Variants in HMSD observed in about 807,000 individuals in gnomAD.
HMSD encodes the protein serpin-like protein HMSD.
Under a neutral mutation model 10.0 loss-of-function variants are expected in HMSD, and 13 were observed. The observed-to-expected ratio is 1.31, with a 90% CI of 0.85 to 2.08. The LOEUF (loss-of-function observed/expected upper bound fraction) is 2.08, where lower values mean the gene tolerates loss of function less well. Among genes scored for constraint, HMSD ranks in the 30% most tolerant of loss-of-function variants. The pLI is 0.00. For missense variants in HMSD, 169 were observed against 166.3 expected (o/e 1.02, Z -0.09); for synonymous variants, 51 against 54.2 (o/e 0.94, Z 0.26).
At chr18:63,966,047 C>G (rs1463515465), downstream of HMSD, among the ~76,000 whole-genome samples, 1 of 152,136 alleles carries the variant, frequency 6.6e-6, no homozygotes, top group East Asian at 1.9e-4. Context: ...CTAATTGTAC[C>G]TCACTGACTA....
intron 1 of HMSD, among the ~76,000 whole-genome samples, chr18:63,952,198 G>C (rs923634999): frequency 6.6e-6 from 1 of 150,890 alleles, no homozygotes; most frequent in Non-Finnish European, 1.5e-5. Context: ...TAGATGACGA[G>C]TTAGTGGGTG....
At chr18:63,959,162 T>C (rs765426161) in intron 3 of HMSD, among the ~76,000 whole-genome samples, 2 of 152,032 alleles carry the variant, frequency 1.3e-5, no homozygotes, top group Non-Finnish European at 2.9e-5. Context: ...TTATGAATAT[T>C]TGTGTGCAGG....
intron 3 of HMSD, among the ~76,000 whole-genome samples, chr18:63,956,695 G>T (rs2050360328): frequency 6.6e-6 from 1 of 152,144 alleles, no homozygotes; most frequent in Admixed American, 6.5e-5. Flanking sequence ...AATTAAAAGA[G>T]AATTGCCATT....
At position 63,967,212 on chromosome 18, in the gene HMSD, A is replaced by G. The variant is rs1315632482; in HGVS notation, n.312+6937A>G. Among the ~76,000 whole-genome samples, 3 of 152,148 alleles carry G rather than the reference A, an allele frequency of 2.0e-5. No homozygotes were observed. In the East Asian group the frequency reaches 5.8e-4, roughly 29 times the overall value. On this transcript the variant is annotated intron_variant and non_coding_transcript_variant, in intron 3 of 5. Coordinates refer to the HMSD transcript ENST00000481726. ...GAGTGCAGTGGCACAATCTCAACTC[A>G]CTGCAACCTCCCGAGGTTCAAGCAG...
chr18:63,949,472 G>A (rs2039517641), intron 1 of HMSD, 72 bp downstream of exon 1: 1 of 152,372 alleles, frequency 6.6e-6, no homozygotes, highest in African/African-American at 2.4e-5. Context: ...CCAGGAAAAG[G>A]GCGGGAACCT....
intron 3 of HMSD, among the ~76,000 whole-genome samples, chr18:63,958,736 T>G (rs903745641): frequency 2.6e-5 from 4 of 152,130 alleles, no homozygotes; most frequent in Non-Finnish European, 5.9e-5. Context: ...TTAATATATT[T>G]CAAGTGCTCA....
chr18:63,955,033 C>G (rs1373447322), intron 3 of HMSD, among the ~76,000 whole-genome samples: 1 of 152,096 alleles, frequency 6.6e-6, no homozygotes, highest in Non-Finnish European at 1.5e-5. Context: ...AGAAAAGTAC[C>G]GAAGTAATTT....
intron 1 of HMSD, among the ~76,000 whole-genome samples, chr18:63,950,625 A>C (rs1338957946): frequency 6.6e-6 from 1 of 152,016 alleles, no homozygotes; most frequent in Non-Finnish European, 1.5e-5. Flanking sequence ...TTTGAAAGCC[A>C]ACTTGTGGAT....
At position 63,953,916 on chromosome 18, in the gene HMSD, T is replaced by C. The variant is rs1334286700; in HGVS notation, c.72+389T>C. 5.9e-5 allele frequency among the ~76,000 whole-genome samples: 9 copies of C among 152,276 alleles called. No individual in the cohort carries two copies. In the South Asian group the frequency reaches 1.9e-3, roughly 32 times the overall value. On this transcript the variant is annotated intron_variant, in intron 2 of 3. Transcript: ENST00000408945. ...TAGCTGGGTTACAAGAGAGGGAAAGTGGAAGCTGCCAGACTTTTTAAGGGC... is the reference window on the plus strand; with the variant it reads ...TAGCTGGGTTACAAGAGAGGGAAAGCGGAAGCTGCCAGACTTTTTAAGGGC...
chr18:63,963,341 A>T (rs1199906890), downstream of HMSD, among the ~76,000 whole-genome samples: 2 of 151,348 alleles, frequency 1.3e-5, no homozygotes, highest in Non-Finnish European at 2.9e-5. Context: ...ATCTCAGCTC[A>T]TTGCAACCTC....
chr18:63,964,939 A>C (rs1281314644), downstream of HMSD, among the ~76,000 whole-genome samples: 1 of 152,214 alleles, frequency 6.6e-6, no homozygotes, highest in African/African-American at 2.4e-5. Flanking sequence ...CAAGACATGA[A>C]GTGACAATTT....
At chr18:63,966,570 A>G (rs1206528014), downstream of HMSD, 1 of 152,108 alleles carries the variant, frequency 6.6e-6, no homozygotes, top group African/African-American at 2.4e-5. Flanking sequence ...ATACACGGAC[A>G]CTCCATTTCA....
At chr18:63,968,238 C>G (rs1020402766) in intron 3 of HMSD, 3 of 152,270 alleles carry the variant, frequency 2.0e-5, no homozygotes, top group African/African-American at 4.8e-5. Flanking sequence ...CAATGGTACC[C>G]TCCTACAATA....
chr18:63,952,119 T>C (rs1170212207), intron 1 of HMSD, among the ~76,000 whole-genome samples: 7 of 119,566 alleles, frequency 5.9e-5, no homozygotes, highest in Admixed American at 1.1e-4. Context: ...AAGGGGAATA[T>C]CACACTCTGG....
At chr18:63,965,607 T>C (rs925175607), downstream of HMSD, among the ~76,000 whole-genome samples, 7 of 152,232 alleles carry the variant, frequency 4.6e-5, no homozygotes, top group African/African-American at 1.7e-4. Flanking sequence ...CACATTAAGG[T>C]CCACTGGGTT....
At chr18:63,960,098 G>A (rs1568260357) in intron 3 of HMSD, 60 bp from the exon 4 acceptor site, 4 of 1,456,560 alleles carry the variant, frequency 2.7e-6, no homozygotes, top group Non-Finnish European at 3.8e-6. Context: ...CAATGAAGAA[G>A]TAAGCCAGTG....
At chr18:63,957,808 T>C (rs375498369) in intron 3 of HMSD, among the ~76,000 whole-genome samples, 3 of 152,202 alleles carry the variant, frequency 2.0e-5, no homozygotes, top group South Asian at 2.1e-4. Context: ...ATTAAAAAGA[T>C]GAGAAATATT....
At chr18:63,953,666 G>A in intron 2 of HMSD, 139 bp downstream of exon 2, 1 of 719,890 alleles carries the variant, frequency 1.4e-6, no homozygotes, top group Non-Finnish European at 2.4e-6. Context: ...TGGAGAATTG[G>A]CAGGATGGAG....
At chr18:63,958,817 G>A (rs913766589) in intron 3 of HMSD, among the ~76,000 whole-genome samples, 1 of 151,992 alleles carries the variant, frequency 6.6e-6, no homozygotes, top group Non-Finnish European at 1.5e-5. Context: ...AGTTCCGATG[G>A]ACACTGCTGG....
Sources: allele counts gnomAD v4.1 joint callset (sites outside exome capture counted in the v4.1 genomes callset), GRCh38; gene constraint gnomAD v4.1.1; transcripts MANE v1.5; gene names NCBI Gene and HGNC (gene_info 2026-07-23, HGNC 2026-07-21).